The following RGS6 variants were observed in gnomAD, a reference collection of about 807,000 sequenced individuals.
The protein encoded by RGS6 is regulator of G-protein signaling 6.
RGS6 carries 30 observed loss-of-function variants against 78.5 expected under a neutral mutation model. The observed-to-expected ratio is 0.38, with a 90% CI of 0.29 to 0.52. The LOEUF (loss-of-function observed/expected upper bound fraction) is 0.52. Ranked by LOEUF, RGS6 falls within the 20% of genes least tolerant of loss-of-function variation. RGS6 has a pLI of 0.85. For synonymous variants in RGS6, 206 were observed against 206.0 expected (o/e 1.00, Z 0.00); for missense variants, 495 against 609.7 (o/e 0.81, Z 1.98).
chr14:72,007,036 GA>G (rs1266586981), intron 2 of RGS6, among the ~76,000 whole-genome samples: 2 of 151,146 alleles, frequency 1.3e-5, no homozygotes, highest in Non-Finnish European at 3.0e-5. Context: ...GCAAAAAAAA[GA>G]AAGAAAAATT....
At chr14:71,875,107 T>C in the RGS6 span, among the ~76,000 whole-genome samples, 1 of 152,202 alleles carries the variant, frequency 6.6e-6, no homozygotes, top group African/African-American at 2.4e-5. Context: ...AAATTCTCTT[T>C]TTTTTGTTGT....
In RGS6 at chr14:72,057,705, A is replaced by C. The variant is rs75418860; in HGVS notation, c.84+92830A>C. Reference sequence around the variant, plus strand: ...GCAGTGAATTTTTCTTAAATAACTTAATTGTAGGGCCTTTTGCGCGTCATT... The same window carrying C: ...GCAGTGAATTTTTCTTAAATAACTTCATTGTAGGGCCTTTTGCGCGTCATT... On this transcript the variant is annotated intron_variant, in intron 2 of 17. Coordinates refer to ENST00000553525, the MANE Select transcript of RGS6 (RefSeq NM_001204424.2). Among the ~76,000 whole-genome samples the C allele has an allele frequency of 2.5e-3, 382 of 152,296 alleles. 3 individuals carry two copies. Among genetic ancestry groups the C allele is most frequent in the African/African-American group, 8.9e-3 (368 of 41,542 alleles).
chr14:72,456,255 T>A (rs1483272927), intron 4 of RGS6, among the ~76,000 whole-genome samples: 1 of 152,124 alleles, frequency 6.6e-6, no homozygotes, highest in East Asian at 1.9e-4. Context: ...CATCTGCCCC[T>A]CTCTCCCTTC....
At chr14:72,198,108 C>G (rs2040623931) in intron 2 of RGS6, among the ~76,000 whole-genome samples, 1 of 152,116 alleles carries the variant, frequency 6.6e-6, no homozygotes, top group African/African-American at 2.4e-5. Context: ...CACCTGTAAT[C>G]CCAGCATTTT....
chr14:72,494,243 A>G (rs541914401), intron 12 of RGS6, among the ~76,000 whole-genome samples: 3 of 152,340 alleles, frequency 2.0e-5, no homozygotes, highest in African/African-American at 7.2e-5. Context: ...AACAATTTTT[A>G]TCTAGTTTAA....
intron 17 of RGS6, among the ~76,000 whole-genome samples, chr14:72,544,419 C>T (rs1273853626): frequency 6.6e-6 from 1 of 152,142 alleles, no homozygotes; most frequent in African/African-American, 2.4e-5. Flanking sequence ...CTCTTGAGAG[C>T]TTCATCAGCT....
intron 2 of RGS6, among the ~76,000 whole-genome samples, chr14:72,312,248 C>G (rs1240895531): frequency 2.0e-4 from 27 of 132,642 alleles, no homozygotes; most frequent in Admixed American, 7.6e-5. Flanking sequence ...TTTTTTGGTA[C>G]TCAGCCCTAA....
At chr14:72,141,870 TCCTAGATTACACATTTTACATTAAAAA>T (rs1284642956) in intron 2 of RGS6, among the ~76,000 whole-genome samples, 4 of 149,974 alleles carry the variant, frequency 2.7e-5, no homozygotes, top group African/African-American at 9.8e-5. Context: ...TAGATTACAT[TCCTAGATTACACATTTTACATTAAAAA>T]AAAAAAAACA....
intron 2 of RGS6, among the ~76,000 whole-genome samples, chr14:72,350,079 A>G (rs1472657477): frequency 6.6e-6 from 1 of 152,220 alleles, no homozygotes; most frequent in Non-Finnish European, 1.5e-5. Context: ...AACTGAGATG[A>G]TTAACATGAA....
chr14:72,483,815 G>T (rs1231078035), intron 12 of RGS6, among the ~76,000 whole-genome samples: 1 of 151,918 alleles, frequency 6.6e-6, no homozygotes, highest in Admixed American at 6.6e-5. Context: ...CTCCATACCT[G>T]GCCTGGTGTA....
intron 2 of RGS6, among the ~76,000 whole-genome samples, chr14:72,141,343 G>C (rs2096536852): frequency 2.0e-5 from 3 of 152,156 alleles, no homozygotes; most frequent in African/African-American, 7.2e-5. Flanking sequence ...TGAGTACTCA[G>C]TTCTGTCTCT....
chr14:72,348,904 C>T (rs190417079), intron 2 of RGS6, among the ~76,000 whole-genome samples: 1,641 of 152,280 alleles, frequency 0.011, 12 homozygotes, highest in Non-Finnish European at 0.019. Flanking sequence ...TGGTGGCTCA[C>T]GCCTGTAATC....
chr14:72,333,045 G>T (rs2075361544), intron 2 of RGS6, among the ~76,000 whole-genome samples: 1 of 152,188 alleles, frequency 6.6e-6, no homozygotes, highest in Non-Finnish European at 1.5e-5. Flanking sequence ...GAACACAGCA[G>T]TGGGCATTTC....
chr14:72,488,615 A>C (rs920235181), intron 12 of RGS6, among the ~76,000 whole-genome samples: 1 of 152,202 alleles, frequency 6.6e-6, no homozygotes. Context: ...TTAAGATTCT[A>C]CTGCCTTAGG....
chr14:72,154,409 T>C (rs554386495), intron 2 of RGS6, among the ~76,000 whole-genome samples: 1 of 152,322 alleles, frequency 6.6e-6, no homozygotes, highest in South Asian at 2.1e-4. Context: ...AGGTATGAAT[T>C]ATAAAAGTAT....
chr14:72,122,086 A>G (rs1034853723), intron 2 of RGS6, among the ~76,000 whole-genome samples: 2 of 152,174 alleles, frequency 1.3e-5, no homozygotes, highest in Non-Finnish European at 2.9e-5. Flanking sequence ...CCTTCTCTAG[A>G]TTATACTTTA....
intron 2 of RGS6, among the ~76,000 whole-genome samples, chr14:72,190,022 C>T (rs1054106237): frequency 3.3e-5 from 5 of 152,210 alleles, no homozygotes; most frequent in Admixed American, 3.3e-4. Flanking sequence ...GTTTCTTCAC[C>T]AAACTTTCCC....
intron 2 of RGS6, among the ~76,000 whole-genome samples, chr14:72,134,558 G>A (rs2153598938): frequency 6.6e-6 from 1 of 152,342 alleles, no homozygotes; most frequent in Non-Finnish European, 1.5e-5. Context: ...TAACATGTGT[G>A]TTAGGGTTCT....
chr14:72,477,523 G>A (rs955748686), intron 11 of RGS6, among the ~76,000 whole-genome samples: 9 of 151,866 alleles, frequency 5.9e-5, no homozygotes, highest in Non-Finnish European at 7.4e-5. Flanking sequence ...CTCGGGGCTC[G>A]GTGGCCCACA....
Sources: gnomAD v4.1 joint callset for allele counts (sites outside exome capture counted in the v4.1 genomes callset) on GRCh38, gnomAD v4.1.1 for gene constraint, MANE v1.5 for transcripts, NCBI Gene and HGNC (gene_info 2026-07-23, HGNC 2026-07-21) for gene names.